Variants in AKR1C3 observed in about 807,000 individuals in gnomAD.
AKR1C3 encodes the protein aldo-keto reductase family 1 member C3.
AKR1C3 carries 48 observed loss-of-function variants against 43.6 expected under a neutral mutation model. That is an observed-to-expected ratio of 1.10 (90% CI 0.87 to 1.40). The LOEUF (loss-of-function observed/expected upper bound fraction) is 1.40. Ranked by LOEUF, AKR1C3 falls within the 40% of genes most tolerant of loss-of-function variation. AKR1C3 has a pLI of 0.00. For missense variants in AKR1C3, 482 were observed against 391.2 expected (o/e 1.23, Z -1.96); for synonymous variants, 162 against 139.6 (o/e 1.16, Z -1.13).
intron 1 of AKR1C3, chr10:5,081,028 A>G (rs1480010655): frequency 6.6e-6 from 1 of 152,142 alleles, no homozygotes; most frequent in Non-Finnish European, 1.5e-5. Context: ...GGATGAAAAC[A>G]TAAAGATATA....
At chr10:5,064,190 G>T (rs1250409797) in intron 1 of AKR1C3, among the ~76,000 whole-genome samples, 2 of 152,216 alleles carry the variant, frequency 1.3e-5, no homozygotes, top group East Asian at 3.9e-4. Context: ...CTGAAGTCTT[G>T]AATTCCTCAA....
At chr10:5,095,482 TA>T (rs567532151) in intron 1 of AKR1C3, among the ~76,000 whole-genome samples, 1,427 of 137,678 alleles carry the variant, frequency 0.01, 9 homozygotes, top group African/African-American at 0.027. Context: ...AAAAAAGATT[TA>T]AAAAAAAAAA....
chr10:5,077,633 T>A, intron 1 of AKR1C3: 1 of 1,046,208 alleles, frequency 9.6e-7, no homozygotes, highest in Non-Finnish European at 1.1e-6. Context: ...GGGCAAGGAG[T>A]TTGGTTTTTG....
intron 4 of AKR1C3, 146 bp downstream of exon 4, chr10:5,099,025 A>G (rs2131842536): frequency 2.3e-6 from 2 of 855,536 alleles, no homozygotes; most frequent in East Asian, 2.7e-5. Context: ...GATGAAGGGA[A>G]AAACACAAAA....
At chr10:5,094,312 C>T, upstream of AKR1C3, 1 of 943,772 alleles carries the variant, frequency 1.1e-6, no homozygotes, top group Non-Finnish European at 1.6e-6. Context: ...TGCCTATGTA[C>T]CTCCTCCTAC....
intron 8 of AKR1C3, among the ~76,000 whole-genome samples, chr10:5,106,988 G>GTAA (rs1839519475): frequency 6.6e-6 from 1 of 152,144 alleles, no homozygotes; most frequent in African/African-American, 2.4e-5. Flanking sequence ...CATTAAAAAT[G>GTAA]TAATAAGTTG....
At chr10:5,065,065 C>T (rs551833801) in intron 1 of AKR1C3, among the ~76,000 whole-genome samples, 123 of 152,134 alleles carry the variant, frequency 8.1e-4, no homozygotes, top group South Asian at 2.1e-3. Flanking sequence ...CAATGAGAAA[C>T]CATCTCATAC....
chr10:5,077,955 CAAG>C (rs782724371), intron 1 of AKR1C3: 58 of 673,580 alleles, frequency 8.6e-5, no homozygotes, highest in Non-Finnish European at 1.4e-4. Context: ...AACAACTGTT[CAAG>C]AAGGATGCAA....
chr10:5,083,783 G>C (rs1838890784), intron 1 of AKR1C3, among the ~76,000 whole-genome samples: 1 of 152,164 alleles, frequency 6.6e-6, no homozygotes, highest in South Asian at 2.1e-4. Context: ...ACTGGTGTGA[G>C]ATGGTATCTC....
chr10:5,105,524 C>G, intron 7 of AKR1C3, 71 bp from the exon 8 acceptor site: 5 of 1,160,414 alleles, frequency 4.3e-6, no homozygotes, highest in Non-Finnish European at 5.0e-6. Context: ...TCTCTGCACC[C>G]TACTGTCTAA....
intron 5 of AKR1C3, 117 bp from the exon 6 acceptor site, chr10:5,101,984 C>A: frequency 1.6e-6 from 1 of 639,614 alleles, no homozygotes. Context: ...ACAATAATAT[C>A]CTCAGCTCAA....
chr10:5,097,426 C>A lies in AKR1C3; in HGVS notation c.253-8C>A, dbSNP rs1329268461. Reference sequence around the variant, plus strand: ...TTCAAAATCACCTCCATTCTTTAACCTCTGCAGCTTTGGTCCACTTTTCAT... The same window carrying A: ...TTCAAAATCACCTCCATTCTTTAACATCTGCAGCTTTGGTCCACTTTTCAT... On this transcript the variant is annotated splice_region_variant and splice_polypyrimidine_tract_variant and intron_variant, in intron 2 of 8. Coordinates refer to ENST00000380554, the MANE Select transcript of AKR1C3 (RefSeq NM_003739.6). 1 of 1,612,932 alleles carries A rather than the reference C, an allele frequency of 6.2e-7. No individual in the cohort carries two copies. Among genetic ancestry groups the A allele is most frequent in the African/African-American group, 1.3e-5 (1 of 74,912 alleles).
In AKR1C3 at chr10:5,096,594, G is replaced by A. The variant is rs1554785181; in HGVS notation, c.252+17G>A. On this transcript the variant is annotated intron_variant, in intron 2 of 8. Transcript: ENST00000380554. ...ACTTCAAAGGTACTGTGTCTATGAT[G>A]AGCTTGTGTGCACATGTATTTATTG... 1.2e-5 allele frequency: 20 copies of A among 1,609,660 alleles called. No individual in the cohort carries two copies. The South Asian group carries it at 1.9e-4, about 15-fold the overall frequency.
At chr10:5,101,692 C>G (rs188620586) in intron 5 of AKR1C3, among the ~76,000 whole-genome samples, 1 of 152,302 alleles carries the variant, frequency 6.6e-6, no homozygotes, top group East Asian at 1.9e-4. Flanking sequence ...TCTATCCAAA[C>G]ATCACCAGTG....
chr10:5,059,322 G>A (rs1838329757), intron 1 of AKR1C3, among the ~76,000 whole-genome samples: 3 of 152,202 alleles, frequency 2.0e-5, no homozygotes, highest in Admixed American at 2.0e-4. Context: ...AGAGAGTCAA[G>A]AGAAAGTTTC....
At chr10:5,054,808 CTCTT>C (rs1838225965) in intron 1 of AKR1C3, among the ~76,000 whole-genome samples, 1 of 152,120 alleles carries the variant, frequency 6.6e-6, no homozygotes. Context: ...GACTTCCTGT[CTCTT>C]TCTTTCCTTT....
At chr10:5,082,636 G>A (rs985247964) in intron 1 of AKR1C3, among the ~76,000 whole-genome samples, 8 of 152,090 alleles carry the variant, frequency 5.3e-5, no homozygotes, top group Admixed American at 1.3e-4. Flanking sequence ...TGCATCCCTG[G>A]AATGAAATCC....
At chr10:5,062,798 C>T (rs1838406736) in intron 1 of AKR1C3, among the ~76,000 whole-genome samples, 1 of 148,906 alleles carries the variant, frequency 6.7e-6, no homozygotes, top group Admixed American at 6.7e-5. Context: ...AGATCTGCTA[C>T]AGGCTTATTC....
intron 1 of AKR1C3, among the ~76,000 whole-genome samples, chr10:5,067,445 C>G (rs1214093986): frequency 1.3e-5 from 2 of 151,990 alleles, no homozygotes; most frequent in African/African-American, 4.8e-5. Flanking sequence ...ATTATGTACC[C>G]AAAGTTCAAG....
Sources: gnomAD v4.1 joint callset for allele counts (sites outside exome capture counted in the v4.1 genomes callset) on GRCh38, gnomAD v4.1.1 for gene constraint, MANE v1.5 for transcripts, NCBI Gene and HGNC (gene_info 2026-07-23, HGNC 2026-07-21) for gene names.